Variants in CNN3 observed in about 807,000 individuals in gnomAD.
CNN3 encodes the protein calponin 3, also known as calponin-3.
Under a neutral mutation model 39.0 loss-of-function variants are expected in CNN3, and 11 were observed. The observed-to-expected ratio is 0.28, with a 90% CI of 0.18 to 0.47. The LOEUF (loss-of-function observed/expected upper bound fraction) is 0.47, where lower values mean the gene tolerates loss of function less well. CNN3 is among the 20% of genes least tolerant of loss of function. The pLI, the probability that CNN3 is intolerant of heterozygous loss-of-function variation, is 0.99. For missense variants in CNN3, 266 were observed against 403.4 expected, an observed-to-expected ratio of 0.66 and a Z score of 2.92; for synonymous variants, 101 against 138.3, an observed-to-expected ratio of 0.73 and a Z score of 1.89.
At chr1:94,898,442 G>A (rs945300539) in intron 6 of CNN3, among the ~76,000 whole-genome samples, 7 of 152,176 alleles carry the variant, frequency 4.6e-5, no homozygotes, top group Non-Finnish European at 7.3e-5. Flanking sequence ...AAATCATAAT[G>A]CTTCCACACC....
At chr1:94,914,678 T>A (rs1236644526) in intron 1 of CNN3, among the ~76,000 whole-genome samples, 1 of 152,212 alleles carries the variant, frequency 6.6e-6, no homozygotes, top group African/African-American at 2.4e-5. Context: ...CAAATGCTTT[T>A]TTGCTTACTA....
Position 94,897,547 on chromosome 1 carries a change from T to G in CNN3, c.*195A>C. The G allele has an allele frequency of 1.8e-6, 1 of 566,510 alleles. No individual in the cohort carries two copies. Among genetic ancestry groups the G allele is most frequent in the East Asian group, 2.8e-5 (1 of 35,322 alleles). 35.1% of individuals were successfully genotyped at this position (566,510 alleles called of 1,614,324 possible). A position where few individuals can be genotyped will look rare whatever the true frequency, so the allele number is the denominator to read the frequency against. On this transcript the variant is annotated 3_prime_UTR_variant, in exon 7 of 7. Coordinates refer to ENST00000370206, the MANE Select transcript of CNN3 (RefSeq NM_001839.5). Reference sequence around the variant, plus strand: ...TATTGATTATGCTGTAGGATTTAACTATTACAGCACTAAAAGGCAACTATT... The same window carrying G: ...TATTGATTATGCTGTAGGATTTAACGATTACAGCACTAAAAGGCAACTATT...
At chr1:94,916,008 C>T (rs888679596) in intron 1 of CNN3, among the ~76,000 whole-genome samples, 38 of 152,184 alleles carry the variant, frequency 2.5e-4, no homozygotes, top group African/African-American at 8.7e-4. Flanking sequence ...TGGGCTGTTG[C>T]CTTTACTTGG....
intron 1 of CNN3, among the ~76,000 whole-genome samples, chr1:94,909,619 T>C (rs1671104160): frequency 1.3e-5 from 2 of 152,178 alleles, no homozygotes; most frequent in Non-Finnish European, 2.9e-5. Flanking sequence ...CGAGGGCCTA[T>C]GTGTCCTAAC....
chr1:94,912,104 T>C (rs1475881886), intron 1 of CNN3, among the ~76,000 whole-genome samples: 2 of 152,036 alleles, frequency 1.3e-5, no homozygotes, highest in African/African-American at 4.8e-5. Flanking sequence ...AAAGAGGAGC[T>C]GGTCCAGTGC....
intron 1 of CNN3, chr1:94,925,950 G>A (rs1390305971): frequency 2.4e-6 from 1 of 418,542 alleles, no homozygotes; most frequent in Non-Finnish European, 3.2e-6. Context: ...TGGGGAGGGG[G>A]ACGCCTCTCA....
At position 94,920,135 on chromosome 1, in the gene CNN3, C is replaced by T. The variant is rs190582172; in HGVS notation, c.57+6703G>A. Among the ~76,000 whole-genome samples, 130 of 152,282 alleles carry T rather than the reference C, an allele frequency of 8.5e-4. 1 individual carries two copies. Among genetic ancestry groups the T allele is most frequent in the Non-Finnish European group, 1.6e-3 (109 of 68,036 alleles). On this transcript the variant is annotated intron_variant, in intron 1 of 6. Coordinates refer to ENST00000370206, the MANE Select transcript of CNN3 (RefSeq NM_001839.5). ...AGAAAAAGCAGAATACAACCAAGCCCGGTAAGCAAGACCTCTAGCTCTACA... is the reference window on the plus strand; with the variant it reads ...AGAAAAAGCAGAATACAACCAAGCCTGGTAAGCAAGACCTCTAGCTCTACA...
At chr1:94,920,204 G>C (rs1225714578) in intron 1 of CNN3, among the ~76,000 whole-genome samples, 1 of 152,232 alleles carries the variant, frequency 6.6e-6, no homozygotes, top group Non-Finnish European at 1.5e-5. Flanking sequence ...GAATGGTGCA[G>C]ATCTACAGAC....
intron 1 of CNN3, among the ~76,000 whole-genome samples, chr1:94,905,147 G>A (rs1670963322): frequency 6.6e-6 from 1 of 152,146 alleles, no homozygotes; most frequent in Non-Finnish European, 1.5e-5. Flanking sequence ...ACCAGGATCA[G>A]GACAGACATT....
At chr1:94,910,534 G>A (rs1476958099) in intron 1 of CNN3, among the ~76,000 whole-genome samples, 4 of 152,088 alleles carry the variant, frequency 2.6e-5, no homozygotes, top group Non-Finnish European at 5.9e-5. Flanking sequence ...TCTCATGCAA[G>A]GACAATGAAC....
At position 94,899,361 on chromosome 1, in the gene CNN3, T is replaced by G. The variant is rs1670803297; in HGVS notation, c.648+10A>C. ...GTACTCTTGTACACGTATAAAAAGG[T>G]ATTGCTTACCTGGCTGGCTCCTTTA... is the stretch of plus-strand genomic sequence containing the variant. On this transcript the variant is annotated intron_variant, in intron 6 of 6. Transcript: ENST00000370206. 6.2e-7 allele frequency: 1 copy of G among 1,612,388 alleles called. No individual in the cohort carries two copies. The highest frequency in any genetic ancestry group is 8.5e-7 in the Non-Finnish European group (1 of 1,179,512).
At position 94,903,434 on chromosome 1, in the gene CNN3, G is replaced by A; in HGVS notation, c.148C>T (p.Leu50=). ...TGMSIGPNFQ[L]GLKDGIILCE... is the part of the protein sequence containing the mutation. Reference sequence around the variant, plus strand: ...AGGATGATGCCATCCTTTAAGCCCAGCTGGAAGTTGGGGCCAATGCTCATG... The same window carrying A: ...AGGATGATGCCATCCTTTAAGCCCAACTGGAAGTTGGGGCCAATGCTCATG... The change falls in exon 2 of 7, where the codon CTG becomes TTG. Residue 50 remains leucine, a synonymous_variant. Transcript: ENST00000370206. 1.2e-6 allele frequency: 2 copies of A among 1,608,552 alleles called. No individual in the cohort carries two copies. Among genetic ancestry groups the A allele is most frequent in the Non-Finnish European group, 8.5e-7 (1 of 1,177,822 alleles).
At chr1:94,916,827 A>G (rs972604701) in intron 1 of CNN3, among the ~76,000 whole-genome samples, 1 of 152,232 alleles carries the variant, frequency 6.6e-6, no homozygotes, top group African/African-American at 2.4e-5. Flanking sequence ...GGGAAGAATC[A>G]ATGAGTTAAT....
intron 1 of CNN3, among the ~76,000 whole-genome samples, chr1:94,908,788 A>G (rs1393679563): frequency 6.6e-6 from 1 of 151,976 alleles, no homozygotes; most frequent in African/African-American, 2.4e-5. Context: ...TGATCCGCCC[A>G]CCTCAGCCTC....
At chr1:94,913,746 A>G (rs1164725994) in intron 1 of CNN3, among the ~76,000 whole-genome samples, 1 of 152,230 alleles carries the variant, frequency 6.6e-6, no homozygotes, top group African/African-American at 2.4e-5. Flanking sequence ...GATGGAAGTC[A>G]TATAGAAGAG....
intron 1 of CNN3, among the ~76,000 whole-genome samples, chr1:94,917,156 T>C (rs1017005883): frequency 4.6e-5 from 7 of 152,092 alleles, no homozygotes; most frequent in African/African-American, 1.7e-4. Flanking sequence ...CCTGCCTCAG[T>C]CTCCTGAGGA....
In CNN3 at chr1:94,903,479, A is replaced by G; in HGVS notation, c.103T>C (p.Trp35Arg). ...CTCATGCCTGTCACCTCTTCTATCC[A>G]ATTGCGAAGATCTTCTTCTGCCTGA... is the stretch of plus-strand genomic sequence containing the variant. ...DHQAEEDLRN[W>R]IEEVTGMSIG... The change falls in exon 2 of 7, where the codon TGG (tryptophan) becomes CGG (arginine). Residue 35 changes from tryptophan to arginine, a missense_variant. By Grantham distance (101) the Trp-to-Arg change is moderately radical. Transcript: ENST00000370206. 1 of 1,613,854 alleles carries G rather than the reference A, an allele frequency of 6.2e-7. No individual in the cohort carries two copies. Among genetic ancestry groups the G allele is most frequent in the Non-Finnish European group, 8.5e-7 (1 of 1,179,884 alleles).
At position 94,897,462 on chromosome 1, in the gene CNN3, G is replaced by T; in HGVS notation, c.*280C>A. 2.1e-5 allele frequency: 5 copies of T among 242,226 alleles called. No homozygotes were observed. Among genetic ancestry groups the T allele is most frequent in the East Asian group, 7.5e-5 (1 of 13,278 alleles). The allele number at this position is 242,226 out of a possible 1,614,324, so 15.0% of individuals were successfully genotyped here. On this transcript the variant is annotated 3_prime_UTR_variant, in exon 7 of 7. Transcript: ENST00000370206. ...AAAATGCATAGATTTTTGCATAAAA[G>T]AACTGGCTGTACAAGAGTACTCCCC... is the stretch of plus-strand genomic sequence containing the variant.
intron 1 of CNN3, among the ~76,000 whole-genome samples, chr1:94,913,645 A>G (rs1417542286): frequency 6.6e-6 from 1 of 152,216 alleles, no homozygotes; most frequent in Non-Finnish European, 1.5e-5. Flanking sequence ...AAAACCATAT[A>G]TAGCCTATTA....
Sources: gnomAD v4.1 joint callset for allele counts (sites outside exome capture counted in the v4.1 genomes callset) on GRCh38, gnomAD v4.1.1 for gene constraint, MANE v1.5 for transcripts, NCBI Gene and HGNC (gene_info 2026-07-23, HGNC 2026-07-21) for gene names.